RAB3IP: variants seen among roughly 807,000 people sequenced by gnomAD.
The protein encoded by RAB3IP is rab-3A-interacting protein.
A neutral mutation model predicts 59.1 loss-of-function variants in RAB3IP; 36 were observed. The ratio of observed to expected loss-of-function variants is 0.61; its 90% CI spans 0.47 to 0.80. The LOEUF (loss-of-function observed/expected upper bound fraction) is 0.80, where lower values mean the gene tolerates loss of function less well. RAB3IP is among the 30% of genes least tolerant of loss of function. The pLI, the probability that RAB3IP is intolerant of heterozygous loss-of-function variation, is 0.00. For synonymous variants in RAB3IP, 207 were observed against 191.2 expected (o/e 1.08, Z -0.68); for missense variants, 511 against 536.0 (o/e 0.95, Z 0.46).
rs1881527191 is a variant in RAB3IP at position 69,820,000 on chromosome 12, C to T, written c.*4554C>T. On this transcript the variant is annotated 3_prime_UTR_variant, in exon 11 of 11. Coordinates refer to ENST00000247833, the MANE Select transcript of RAB3IP (RefSeq NM_022456.5). ...AATAACTTGCAACCTGTTACGTCTTCACTTACTCCCATCGCCACCACAAGA... is the reference window on the plus strand; with the variant it reads ...AATAACTTGCAACCTGTTACGTCTTTACTTACTCCCATCGCCACCACAAGA... 6.6e-6 allele frequency: 1 copy of T among 152,200 alleles called. No homozygotes were observed. Among genetic ancestry groups the T allele is most frequent in the African/African-American group, 2.4e-5 (1 of 41,446 alleles). 9.4% of individuals were successfully genotyped at this position (152,200 alleles called of 1,614,324 possible).
chr12:69,749,629 T>C (rs1291440423), intron 1 of RAB3IP, among the ~76,000 whole-genome samples: 7 of 152,268 alleles, frequency 4.6e-5, no homozygotes, highest in African/African-American at 1.7e-4. Flanking sequence ...TTTGTATAAA[T>C]GCTTTGCTTT....
At chr12:69,739,516 A>G in intron 1 of RAB3IP, 1 of 352,560 alleles carries the variant, frequency 2.8e-6, no homozygotes, top group Non-Finnish European at 5.2e-6. Context: ...GCCGCGCGGC[A>G]GGGCTGTGGA....
chr12:69,756,676 A>G lies in RAB3IP; in HGVS notation c.510+13A>G. ...AAAAGCTCAGAGGGTAAGAAAGAAG[A>G]TATTTTATTCTTCCATATATTATAT... is the stretch of plus-strand genomic sequence containing the variant. On this transcript the variant is annotated intron_variant, in intron 3 of 10. Transcript: ENST00000247833. 6.2e-7 allele frequency: 1 copy of G among 1,602,158 alleles called. No homozygotes were observed. The highest frequency in any genetic ancestry group is 8.5e-7 in the Non-Finnish European group (1 of 1,174,154).
intron 8 of RAB3IP, among the ~76,000 whole-genome samples, chr12:69,802,401 A>G (rs1013153807): frequency 6.6e-6 from 1 of 152,194 alleles, no homozygotes; most frequent in Non-Finnish European, 1.5e-5. Context: ...ACAAATCTTC[A>G]GAGATAAGAC....
At position 69,820,978 on chromosome 12, in the gene RAB3IP, A is replaced by G. The variant is rs1881680759; in HGVS notation, c.*5532A>G. 1 of 152,138 alleles carries G rather than the reference A, an allele frequency of 6.6e-6. No individual in the cohort carries two copies. 9.4% of individuals were successfully genotyped at this position (152,138 alleles called of 1,614,324 possible). ...CCATGAAAATTTGCAAAACTTAAAA[A>G]AAAAATGTAGAAGAGGACTAAACTT... On this transcript the variant is annotated 3_prime_UTR_variant, in exon 11 of 11. Transcript: ENST00000247833.
At chr12:69,805,353 T>G (rs940864777) in intron 8 of RAB3IP, among the ~76,000 whole-genome samples, 2 of 152,170 alleles carry the variant, frequency 1.3e-5, no homozygotes, top group Non-Finnish European at 2.9e-5. Context: ...TTTTGTATCC[T>G]GAGACTTTGC....
chr12:69,755,504 G>A lies in RAB3IP; in HGVS notation c.96G>A (p.Glu32=). 1 of 1,614,036 alleles carries A rather than the reference G, an allele frequency of 6.2e-7. No individual in the cohort carries two copies. The highest frequency in any genetic ancestry group is 8.5e-7 in the Non-Finnish European group (1 of 1,180,020). The change falls in exon 2 of 11, where the codon GAG becomes GAA. Residue 32 remains glutamate (E), a synonymous_variant. Transcript: ENST00000247833. The part of the protein sequence containing the change: ...LLGVYESGTQ[E]QTTSPSVIYR... ...GTGTGTATGAATCAGGAACTCAAGA[G>A]CAGACTACCTCACCAAGTGTCATCT...
At chr12:69,758,575 C>T (rs1870602106) in intron 3 of RAB3IP, among the ~76,000 whole-genome samples, 1 of 152,018 alleles carries the variant, frequency 6.6e-6, no homozygotes, top group South Asian at 2.1e-4. Flanking sequence ...TATTTTTCCC[C>T]TCCTAGTTTT....
chr12:69,801,452 T>C (rs780072021), intron 7 of RAB3IP, among the ~76,000 whole-genome samples, 157 bp from the exon 8 acceptor site: 3 of 152,178 alleles, frequency 2.0e-5, no homozygotes, highest in African/African-American at 4.8e-5. Context: ...ATAAAATAAA[T>C]CAAACCAAAA....
chr12:69,791,411 A>G (rs948098008), intron 4 of RAB3IP, among the ~76,000 whole-genome samples: 3 of 152,202 alleles, frequency 2.0e-5, no homozygotes, highest in African/African-American at 7.2e-5. Context: ...CTGAATGGGA[A>G]AACATTTGCA....
chr12:69,790,923 T>C (rs1876500195), intron 4 of RAB3IP, among the ~76,000 whole-genome samples: 1 of 152,126 alleles, frequency 6.6e-6, no homozygotes, highest in Non-Finnish European at 1.5e-5. Context: ...GCTGGATGCA[T>C]CACACTTCCT....
chr12:69,770,400 T>A (rs1261429293), intron 3 of RAB3IP, among the ~76,000 whole-genome samples: 3 of 152,222 alleles, frequency 2.0e-5, no homozygotes, highest in Non-Finnish European at 2.9e-5. Context: ...ACATTACTTA[T>A]AATACCTAAT....
intron 4 of RAB3IP, among the ~76,000 whole-genome samples, chr12:69,787,627 A>G (rs578203841): frequency 6.6e-6 from 1 of 152,144 alleles, no homozygotes; most frequent in African/African-American, 2.4e-5. Context: ...TTATTTCTTC[A>G]TTCCACACTC....
At chr12:69,797,962 TGA>T in intron 6 of RAB3IP, among the ~76,000 whole-genome samples, 1 of 152,178 alleles carries the variant, frequency 6.6e-6, no homozygotes, top group Non-Finnish European at 1.5e-5. Context: ...TTTGCTATTG[TGA>T]ATAATGCCGC....
At chr12:69,798,170 T>A (rs1877819471) in intron 6 of RAB3IP, among the ~76,000 whole-genome samples, 3 of 152,220 alleles carry the variant, frequency 2.0e-5, no homozygotes, top group South Asian at 4.1e-4. Flanking sequence ...TTCCTCTACA[T>A]CCTCTCCAGC....
At position 69,801,664 on chromosome 12, in the gene RAB3IP, T is replaced by C; in HGVS notation, c.1073T>C (p.Val358Ala). The C allele has an allele frequency of 1.2e-6, 2 of 1,613,090 alleles. No homozygotes were observed. Residue 358 changes from valine to alanine, a missense_variant, in exon 8 of 11, where the codon GTG (valine) becomes GCG (alanine). Transcript: ENST00000247833. ...AACAATACTCTAAGCATTGAACCAG[T>C]GGGATTACAACCTATCCGGTTTGTG... ...VENNTLSIEP[V>A]GLQPIRFVKA...
chr12:69,760,394 G>GGGGAGA (rs1272812271), intron 3 of RAB3IP, among the ~76,000 whole-genome samples: 3 of 142,144 alleles, frequency 2.1e-5, no homozygotes, highest in South Asian at 2.3e-4. Context: ...GGGAGACCGT[G>GGGGAGA]GGGAGAGGGA....
chr12:69,760,857 A>T (rs994346544), intron 3 of RAB3IP, among the ~76,000 whole-genome samples: 1 of 152,038 alleles, frequency 6.6e-6, no homozygotes, highest in Non-Finnish European at 1.5e-5. Flanking sequence ...AAGCAATGTG[A>T]TTGTGATTTG....
chr12:69,767,101 T>A (rs1302776204), intron 3 of RAB3IP, among the ~76,000 whole-genome samples: 3 of 152,252 alleles, frequency 2.0e-5, no homozygotes, highest in Non-Finnish European at 4.4e-5. Context: ...TGGAGATGAT[T>A]GCACTTCTAA....
Sources: gnomAD v4.1 joint callset for allele counts (sites outside exome capture counted in the v4.1 genomes callset) on GRCh38, gnomAD v4.1.1 for gene constraint, MANE v1.5 for transcripts, NCBI Gene and HGNC (gene_info 2026-07-23, HGNC 2026-07-21) for gene names.